PLEKHH1: variants seen among roughly 807,000 people sequenced by gnomAD.
The protein encoded by PLEKHH1 is pleckstrin homology domain-containing family H member 1.
Under a neutral mutation model 160.0 loss-of-function variants are expected in PLEKHH1, and 104 were observed. The ratio of observed to expected loss-of-function variants is 0.65; its 90% CI spans 0.55 to 0.76. The LOEUF is 0.76. PLEKHH1 is among the 30% of genes least tolerant of loss of function. The pLI is 0.00. For synonymous variants in PLEKHH1, 619 were observed against 678.4 expected (o/e 0.91, Z 1.36); for missense variants, 1,427 against 1,724.1 (o/e 0.83, Z 3.05).
Position 67,585,650 on chromosome 14 carries a change from C to T in PLEKHH1, c.3782C>T (p.Thr1261Ile). The change falls in exon 27 of 29, where the codon ACT becomes ATT. Residue 1261 changes from threonine (T) to isoleucine (I), a missense_variant. By Grantham distance (89) the Thr-to-Ile change is moderately conservative. Around this residue, in one of 6 missense-constraint regions of PLEKHH1, gnomAD observed 56 missense variants for 53.0 expected, o/e 1.06. Transcript: ENST00000329153. ...EDGVSILDHN[T>I]MQVHITYPYS... ...GGCGTCAGCATCCTGGACCACAACACTATGGTATGAAAGGATGCAGGCTGC... is the reference window on the plus strand; with the variant it reads ...GGCGTCAGCATCCTGGACCACAACATTATGGTATGAAAGGATGCAGGCTGC... 1 of 1,558,946 alleles carries T rather than the reference C, an allele frequency of 6.4e-7. No individual in the cohort carries two copies. Among genetic ancestry groups the T allele is most frequent in the East Asian group, 2.4e-5 (1 of 42,422 alleles).
intron 2 of PLEKHH1, among the ~76,000 whole-genome samples, chr14:67,547,176 G>A (rs988048761): frequency 8.5e-5 from 13 of 152,134 alleles, no homozygotes; most frequent in Non-Finnish European, 1.3e-4. Flanking sequence ...GCATAGACAC[G>A]GGAGGAACAA....
chr14:67,548,805 G>A (rs746322342), intron 2 of PLEKHH1, among the ~76,000 whole-genome samples: 1 of 152,220 alleles, frequency 6.6e-6, no homozygotes, highest in Non-Finnish European at 1.5e-5. Context: ...GCAACCATGT[G>A]TACTTTCGCT....
intron 9 of PLEKHH1, chr14:67,570,501 A>G (rs2035320724): frequency 6.3e-6 from 1 of 158,952 alleles, no homozygotes; most frequent in Admixed American, 6.3e-5. Flanking sequence ...CAAAAGTGAA[A>G]TTTCCTCTCA....
In PLEKHH1 at chr14:67,582,020, C is replaced by G; in HGVS notation, c.3285-49C>G. ...AACAGACCCAGAGAAAGCCCCATCC[C>G]TGTTTGGAATCCCTGCTGAGTCCTG... is the stretch of plus-strand genomic sequence containing the variant. On this transcript the variant is annotated intron_variant, in intron 23 of 28. Transcript: ENST00000329153. This position sits in a 1 kb window ranked among gnomAD's most constrained non-coding sequence, Gnocchi z 5.0. 1 of 1,571,092 alleles carries G rather than the reference C, an allele frequency of 6.4e-7. No individual in the cohort carries two copies. The highest frequency in any genetic ancestry group is 1.2e-5 in the South Asian group (1 of 86,306).
chr14:67,551,658 G>A (rs956093602), intron 2 of PLEKHH1, among the ~76,000 whole-genome samples: 2 of 152,254 alleles, frequency 1.3e-5, no homozygotes, highest in East Asian at 1.9e-4. Flanking sequence ...GGAGGCCGAG[G>A]CAGGCGAATC....
At position 67,575,461 on chromosome 14, in the gene PLEKHH1, C is replaced by A; in HGVS notation, c.2158C>A (p.His720Asn). The A allele has an allele frequency of 6.2e-7, 1 of 1,601,800 alleles. No homozygotes were observed. Among genetic ancestry groups the A allele is most frequent in the Admixed American group, 1.7e-5 (1 of 58,936 alleles). ...GAAAATCTTCTACTACTATCGGAGC[C>A]ATGAGGACAAGGTACTTCTCAGCCT... ...VGKIFYYYRS[H>N]EDKRPLGCLP... Residue 720 changes from histidine to asparagine, a missense_variant, in exon 15 of 29, where the codon CAT becomes AAT. By Grantham distance (68) the His-to-Asn change is moderately conservative. This residue lies in a region of PLEKHH1 where 831 missense variants were observed against 929.2 expected (regional missense o/e 0.89). Coordinates refer to ENST00000329153, the MANE Select transcript of PLEKHH1 (RefSeq NM_020715.3).
chr14:67,534,566 G>T (rs996399894), intron 1 of PLEKHH1, among the ~76,000 whole-genome samples: 2 of 152,100 alleles, frequency 1.3e-5, no homozygotes, highest in Admixed American at 6.5e-5. Flanking sequence ...AGCCATAACT[G>T]AAACCCAAGC....
chr14:67,557,389 A>G lies in PLEKHH1; in HGVS notation c.310A>G (p.Ser104Gly). ...KAIKGKDELI[S>G]QLEAQLEKQK... ...CATAAAGGGCAAAGATGAGCTCATC[A>G]GCCAGCTAGAGGCTCAGCTGGAGAA... Residue 104 changes from serine to glycine, a missense_variant, in exon 4 of 29, where the codon AGC becomes GGC. Transcript: ENST00000329153. The G allele has an allele frequency of 6.2e-7, 1 of 1,613,804 alleles. No individual in the cohort carries two copies. Among genetic ancestry groups the G allele is most frequent in the South Asian group, 1.1e-5 (1 of 91,064 alleles).
At chr14:67,577,858 CTTTTAGT>C (rs2035696573) in intron 18 of PLEKHH1, among the ~76,000 whole-genome samples, 158 bp from the exon 19 acceptor site, 1 of 152,116 alleles carries the variant, frequency 6.6e-6, no homozygotes, top group African/African-American at 2.4e-5. Context: ...CCCATAGCCC[CTTTTAGT>C]AAGCAGAGAT....
In PLEKHH1 at chr14:67,587,738, G is replaced by C. The variant is rs1369177337; in HGVS notation, c.*503G>C. 1 of 164,210 alleles carries C rather than the reference G, an allele frequency of 6.1e-6. No individual in the cohort carries two copies. The highest frequency in any genetic ancestry group is 1.3e-5 in the Non-Finnish European group (1 of 75,698). 10.2% of individuals were successfully genotyped at this position (164,210 alleles called of 1,614,324 possible). Reference sequence around the variant, plus strand: ...AATTTTTGTATTTTTAGTAGAGACGGGGTTTCACCATGTTGGCCAGGCTGG... The same window carrying C: ...AATTTTTGTATTTTTAGTAGAGACGCGGTTTCACCATGTTGGCCAGGCTGG... On this transcript the variant is annotated 3_prime_UTR_variant, in exon 29 of 29. Coordinates refer to ENST00000329153, the MANE Select transcript of PLEKHH1 (RefSeq NM_020715.3).
At position 67,571,869 on chromosome 14, in the gene PLEKHH1, A is replaced by G; in HGVS notation, c.1552A>G (p.Ser518Gly). 3 of 1,613,284 alleles carry G rather than the reference A, an allele frequency of 1.9e-6. 1 individual carries two copies. In the South Asian group the frequency reaches 3.3e-5, roughly 18 times the overall value. Residue 518 changes from serine (S) to glycine (G), a missense_variant, in exon 10 of 29, where the codon AGC (serine) becomes GGC (glycine). This residue lies in a region of PLEKHH1 where 831 missense variants were observed against 929.2 expected (regional missense o/e 0.89). Transcript: ENST00000329153. ...SVPSSESRKTSGLGSPRAIKR... is the reference protein window; with the variant it reads ...SVPSSESRKTGGLGSPRAIKR... ...CCCCTCCTCTGAGTCCAGGAAGACC[A>G]GCGGACTAGGCAGCCCCCGGGCCAT...
rs1345460641 is a variant in PLEKHH1 at position 67,573,141 on chromosome 14, A to G, written c.1729-135A>G. 7 of 620,460 alleles carry G rather than the reference A, an allele frequency of 1.1e-5. No homozygotes were observed. In the Admixed American group the frequency reaches 1.8e-4, roughly 16 times the overall value. The allele number at this position is 620,460 out of a possible 1,614,324, so 38.4% of individuals were successfully genotyped here. A position where few individuals can be genotyped will look rare whatever the true frequency, so the allele number is the denominator to read the frequency against. On this transcript the variant is annotated intron_variant, in intron 11 of 28. Transcript: ENST00000329153. The surrounding 1 kb of genome is among the most constrained non-coding windows in gnomAD (Gnocchi z 4.8). ...GCAGGGCATGGTACTCTGAAAATACACTGAGTAGGTACTCAATAATTTTGT... is the reference window on the plus strand; with the variant it reads ...GCAGGGCATGGTACTCTGAAAATACGCTGAGTAGGTACTCAATAATTTTGT...
rs369564678 is a variant in PLEKHH1 at position 67,543,298 on chromosome 14, G to A, written c.126+1305G>A. ...AATCAGTGGCATCACCATGGCTAAG[G>A]GGAGTGGTCCTGGACTAGTCTGGAC... On this transcript the variant is annotated intron_variant, in intron 2 of 28. Transcript: ENST00000329153. Among the ~76,000 whole-genome samples the A allele has an allele frequency of 1.6e-4, 24 of 152,316 alleles. 1 individual carries two copies. The South Asian group carries it at 4.4e-3, about 28-fold the overall frequency.
chr14:67,569,961 T>C lies in PLEKHH1; in HGVS notation c.1383T>C (p.Ser461=), dbSNP rs752176538. 1.2e-6 allele frequency: 2 copies of C among 1,610,358 alleles called. No individual in the cohort carries two copies. The highest frequency in any genetic ancestry group is 8.5e-7 in the Non-Finnish European group (1 of 1,178,108). ...PPALVSPGSF[S]GLVYKNVTVP... is the part of the protein sequence containing the mutation. Reference sequence around the variant, plus strand: ...CCCTTGTTTCCCCTGGGTCTTTCTCTGGCCTGGTCTACAAGAATGTCACTG... The same window carrying C: ...CCCTTGTTTCCCCTGGGTCTTTCTCCGGCCTGGTCTACAAGAATGTCACTG... Residue 461 remains serine, a synonymous_variant, in exon 9 of 29, where the codon TCT becomes TCC. Coordinates refer to ENST00000329153, the MANE Select transcript of PLEKHH1 (RefSeq NM_020715.3).
intron 7 of PLEKHH1, 194 bp from the exon 8 acceptor site, chr14:67,568,944 A>C (rs2035238084): frequency 7.2e-6 from 4 of 557,348 alleles, no homozygotes; most frequent in Non-Finnish European, 1.3e-5. Flanking sequence ...CTGAAAGGTA[A>C]GTATTATTAC....
intron 1 of PLEKHH1, among the ~76,000 whole-genome samples, chr14:67,536,779 A>G (rs2033734252): frequency 6.6e-6 from 1 of 151,914 alleles, no homozygotes; most frequent in Non-Finnish European, 1.5e-5. Flanking sequence ...GTGGTGGCTC[A>G]CGCCTGTAAT....
chr14:67,572,833 T>C (rs2140475873), intron 11 of PLEKHH1, among the ~76,000 whole-genome samples: 1 of 152,316 alleles, frequency 6.6e-6, no homozygotes, highest in Non-Finnish European at 1.5e-5. Context: ...CCTCCAGTCC[T>C]GCCTGGCTGA....
chr14:67,537,662 C>T (rs2033793396), intron 1 of PLEKHH1, among the ~76,000 whole-genome samples: 1 of 152,060 alleles, frequency 6.6e-6, no homozygotes, highest in Admixed American at 6.6e-5. Flanking sequence ...GAGACCCTGT[C>T]TCAAAAGAAA....
In PLEKHH1 at chr14:67,585,646, A is replaced by G. The variant is rs1594798590; in HGVS notation, c.3778A>G (p.Asn1260Asp). Residue 1260 changes from asparagine (N) to aspartate (D), a missense_variant, in exon 27 of 29, where the codon AAC becomes GAC. Around this residue, in one of 6 missense-constraint regions of PLEKHH1, gnomAD observed 56 missense variants for 53.0 expected, o/e 1.06. Transcript: ENST00000329153. ...NEDGVSILDH[N>D]TMQVHITYPY... ...GGATGGCGTCAGCATCCTGGACCAC[A>G]ACACTATGGTATGAAAGGATGCAGG... The G allele has an allele frequency of 6.4e-7, 1 of 1,564,428 alleles. No individual in the cohort carries two copies. Among genetic ancestry groups the G allele is most frequent in the Non-Finnish European group, 8.7e-7 (1 of 1,151,116 alleles).
Sources: gnomAD v4.1 joint callset for allele counts (sites outside exome capture counted in the v4.1 genomes callset) on GRCh38, gnomAD v4.1.1 for gene constraint, gnomAD v4.1.1 regional missense constraint, Gnocchi (gnomAD v3.1) non-coding constraint, MANE v1.5 for transcripts, NCBI Gene and HGNC (gene_info 2026-07-23, HGNC 2026-07-21) for gene names.